Variants in SRRM4 observed in about 807,000 individuals in gnomAD.
The protein encoded by SRRM4 is serine/arginine repetitive matrix protein 4.
SRRM4 carries 33 observed loss-of-function variants against 68.9 expected under a neutral mutation model. The observed-to-expected ratio is 0.48, with a 90% CI of 0.36 to 0.64. The LOEUF is 0.64. SRRM4 is among the 30% of genes least tolerant of loss of function. The pLI is 0.00. For missense variants in SRRM4, 817 were observed against 827.1 expected (o/e 0.99, Z 0.15); for synonymous variants, 318 against 318.8 (o/e 1.00, Z 0.03).
rs1953514265 is a variant in SRRM4, at chr12:119,021,253, TA to T, written c.131+39244del. On this transcript the variant is annotated intron_variant, in intron 1 of 12. Transcript: ENST00000267260. The stretch of plus-strand genomic sequence containing the variant: ...TTCTGTAAGTATATTCTAGTTTATT[TA>T]AAAGTTTACTTAAGGAAAAAAAAGA... 8.5e-5 allele frequency among the ~76,000 whole-genome samples: 13 copies of T among 152,242 alleles called. 1 individual carries two copies. Among genetic ancestry groups the T allele is most frequent in the Admixed American group, 8.5e-4 (13 of 15,298 alleles).
intron 2 of SRRM4, among the ~76,000 whole-genome samples, chr12:119,105,873 G>A (rs368156878): frequency 6.6e-6 from 1 of 152,188 alleles, no homozygotes; most frequent in Non-Finnish European, 1.5e-5. Context: ...TGCTTTTGGT[G>A]TTTTAGTCAT....
intron 1 of SRRM4, among the ~76,000 whole-genome samples, chr12:119,010,707 G>A (rs1340008788): frequency 6.6e-6 from 1 of 152,132 alleles, no homozygotes; most frequent in East Asian, 1.9e-4. Flanking sequence ...AACACTAAAG[G>A]AAAAAGGAGG....
chr12:119,085,497 A>G (rs1953974745), intron 1 of SRRM4, among the ~76,000 whole-genome samples: 1 of 152,190 alleles, frequency 6.6e-6, no homozygotes, highest in African/African-American at 2.4e-5. Flanking sequence ...GGGACTTTTC[A>G]GAGTACTGCA....
intron 8 of SRRM4, among the ~76,000 whole-genome samples, chr12:119,141,802 T>C (rs1284562501): frequency 6.6e-6 from 1 of 152,178 alleles, no homozygotes; most frequent in African/African-American, 2.4e-5. Flanking sequence ...AATAAGCAAC[T>C]ACTGTACTGA....
intron 1 of SRRM4, among the ~76,000 whole-genome samples, chr12:119,035,026 T>C (rs1299749201): frequency 1.3e-5 from 2 of 152,216 alleles, no homozygotes; most frequent in African/African-American, 4.8e-5. Flanking sequence ...ATTCCCTGTC[T>C]CTCACTATAT....
At position 118,996,856 on chromosome 12, in the gene SRRM4, C is replaced by T. The variant is rs185634428; in HGVS notation, c.131+14843C>T. On this transcript the variant is annotated intron_variant, in intron 1 of 12. Coordinates refer to ENST00000267260, the MANE Select transcript of SRRM4 (RefSeq NM_194286.4). ...GAGCAAAAAATGTCACTTGTGAGGT[C>T]CAACTGTTTTCCTGCTTCTCAGTTT... Among the ~76,000 whole-genome samples, 557 of 152,304 alleles carry T rather than the reference C, an allele frequency of 3.7e-3. 7 individuals are homozygous for T. The highest frequency in any genetic ancestry group is 0.012 in the African/African-American group (510 of 41,566).
intron 1 of SRRM4, among the ~76,000 whole-genome samples, chr12:119,040,924 A>AT (rs201660873): frequency 0.039 from 5,679 of 146,470 alleles, 370 homozygotes; most frequent in African/African-American, 0.13. Context: ...TAATTTTTGT[A>AT]TTTTTTTTTT....
intron 10 of SRRM4, among the ~76,000 whole-genome samples, chr12:119,152,678 CTCTT>C (rs1954447255): frequency 1.3e-5 from 2 of 152,192 alleles, no homozygotes; most frequent in Non-Finnish European, 2.9e-5. Context: ...TTCATCTTGA[CTCTT>C]TCTTATATCT....
At chr12:118,984,128 C>G (rs1168861800) in intron 1 of SRRM4, among the ~76,000 whole-genome samples, 5 of 152,176 alleles carry the variant, frequency 3.3e-5, no homozygotes, top group Non-Finnish European at 5.9e-5. Context: ...GAGAAGGGAA[C>G]ATTTGTTTCC....
intron 1 of SRRM4, among the ~76,000 whole-genome samples, chr12:119,035,474 T>C (rs1275311387): frequency 6.6e-6 from 1 of 152,252 alleles, no homozygotes; most frequent in Non-Finnish European, 1.5e-5. Flanking sequence ...TACCTCTTGG[T>C]ACTGTTGCCT....
intron 1 of SRRM4, among the ~76,000 whole-genome samples, chr12:119,095,185 T>C (rs1348038058): frequency 2.0e-5 from 3 of 152,174 alleles, no homozygotes; most frequent in Non-Finnish European, 2.9e-5. Context: ...GGCCAGGACA[T>C]TATTAACACA....
intron 1 of SRRM4, among the ~76,000 whole-genome samples, chr12:119,044,676 G>T: frequency 6.6e-6 from 1 of 152,084 alleles, no homozygotes; most frequent in East Asian, 1.9e-4. Context: ...ACAATTCCTA[G>T]GTCATAGGGC....
At chr12:119,098,516 G>A (rs776334866) in intron 1 of SRRM4, among the ~76,000 whole-genome samples, 3 of 152,222 alleles carry the variant, frequency 2.0e-5, no homozygotes, top group Non-Finnish European at 4.4e-5. Flanking sequence ...AATATTGCCT[G>A]ATGTTCACTA....
At chr12:119,065,776 C>A (rs1396193812) in intron 1 of SRRM4, among the ~76,000 whole-genome samples, 1 of 151,770 alleles carries the variant, frequency 6.6e-6, no homozygotes, top group South Asian at 2.1e-4. Context: ...TAAAATAATC[C>A]ATGGGTCAGT....
At chr12:119,073,312 C>CTTTTT (rs71451813) in intron 1 of SRRM4, among the ~76,000 whole-genome samples, 5 of 103,138 alleles carry the variant, frequency 4.8e-5, no homozygotes, top group Non-Finnish European at 6.4e-5. Context: ...TCTCTCTCCT[C>CTTTTT]TTTTTTTTTT....
chr12:119,037,987 G>C (rs1166435752), intron 1 of SRRM4, among the ~76,000 whole-genome samples: 1 of 152,136 alleles, frequency 6.6e-6, no homozygotes, highest in Non-Finnish European at 1.5e-5. Flanking sequence ...AACTTGGGTA[G>C]GGATTAATAA....
At chr12:119,001,328 G>C (rs186403614) in intron 1 of SRRM4, 9 of 152,322 alleles carry the variant, frequency 5.9e-5, no homozygotes, top group African/African-American at 1.4e-4. Context: ...ATTGGTAAAA[G>C]CTTGTCACAA....
chr12:119,104,161 A>C (rs1392710053), intron 2 of SRRM4, among the ~76,000 whole-genome samples: 1 of 152,174 alleles, frequency 6.6e-6, no homozygotes, highest in African/African-American at 2.4e-5. Context: ...GTAATTCTCA[A>C]GGTCAGGATG....
At chr12:118,997,118 T>G (rs190400666) in intron 1 of SRRM4, among the ~76,000 whole-genome samples, 15 of 152,318 alleles carry the variant, frequency 9.8e-5, no homozygotes, top group Admixed American at 8.5e-4. Flanking sequence ...ACAAGAGATA[T>G]TAGTTAACCA....
Sources: gnomAD v4.1 joint callset for allele counts (sites outside exome capture counted in the v4.1 genomes callset) on GRCh38, gnomAD v4.1.1 for gene constraint, MANE v1.5 for transcripts, NCBI Gene and HGNC (gene_info 2026-07-23, HGNC 2026-07-21) for gene names.